Variants in PRTG observed in about 807,000 individuals in gnomAD.
PRTG encodes the protein immunoglobulin superfamily, DCC subclass, member 5.
PRTG carries 67 observed loss-of-function variants against 122.5 expected under a neutral mutation model. That is an observed-to-expected ratio of 0.55 (90% confidence interval 0.45 to 0.67). The LOEUF (loss-of-function observed/expected upper bound fraction) is 0.67. Among genes scored for constraint, PRTG ranks in the 30% least tolerant of loss-of-function variants. The probability of loss-of-function intolerance (pLI) is 0.00; values close to 1 mark genes in which losing one functional copy is unlikely to be tolerated. For synonymous variants in PRTG, 554 were observed against 501.1 expected, an observed-to-expected ratio of 1.11 and a Z score of -1.41; for missense variants, 1,435 against 1,415.4, an observed-to-expected ratio of 1.01 and a Z score of -0.22.
chr15:55,673,770 T>A (rs2059487025), intron 9 of PRTG, 94 bp from the exon 10 acceptor site: 1 of 955,798 alleles, frequency 1.0e-6, no homozygotes, highest in Non-Finnish European at 1.6e-6. Flanking sequence ...TAGCAACATA[T>A]AATAAAGAAG....
At chr15:55,681,509 C>T (rs2141814487) in intron 4 of PRTG, 1 of 152,112 alleles carries the variant, frequency 6.6e-6, no homozygotes, top group South Asian at 2.1e-4. Flanking sequence ...TTCCCTTCTA[C>T]CTATATTAAT....
At chr15:55,706,002 C>T (rs1398709627) in intron 2 of PRTG, among the ~76,000 whole-genome samples, 2 of 143,590 alleles carry the variant, frequency 1.4e-5, no homozygotes, top group East Asian at 4.2e-4. Context: ...CGCATGCCAC[C>T]ATGCCCAGCT....
Position 55,743,116 on chromosome 15 carries a change from G to T in PRTG, c.-185C>A. The T allele has an allele frequency of 7.8e-7, 1 of 1,277,578 alleles. No homozygotes were observed. The highest frequency in any genetic ancestry group is 9.8e-7 in the Non-Finnish European group (1 of 1,016,838). 79.1% of individuals were successfully genotyped at this position (1,277,578 alleles called of 1,614,324 possible). A position where few individuals can be genotyped will look rare whatever the true frequency, so the allele number is the denominator to read the frequency against. On this transcript the variant is annotated 5_prime_UTR_variant, in exon 1 of 20. Transcript: ENST00000389286. ...CTGGTGCTCGGACGGCCGCTCGCGAGAAGCAAGGGGCCTGAGAGTCCGGCT... is the reference window on the plus strand; with the variant it reads ...CTGGTGCTCGGACGGCCGCTCGCGATAAGCAAGGGGCCTGAGAGTCCGGCT...
chr15:55,652,096 C>G (rs1191649364), intron 11 of PRTG, among the ~76,000 whole-genome samples: 1 of 152,078 alleles, frequency 6.6e-6, no homozygotes, highest in Non-Finnish European at 1.5e-5. Context: ...TGACTATGTA[C>G]AACTTTAAAT....
Position 55,641,097 on chromosome 15 carries a change from C to T in PRTG, c.2137+16G>A. On this transcript the variant is annotated intron_variant, in intron 12 of 19. Transcript: ENST00000389286. Reference sequence around the variant, plus strand: ...TGTGAGCCATAGTAAAACAAACTGCCATGGCTTTCACTTACACACGCATCC... The same window carrying T: ...TGTGAGCCATAGTAAAACAAACTGCTATGGCTTTCACTTACACACGCATCC... 1 of 1,573,814 alleles carries T rather than the reference C, an allele frequency of 6.4e-7. No individual in the cohort carries two copies. The highest frequency in any genetic ancestry group is 8.7e-7 in the Non-Finnish European group (1 of 1,143,440).
rs1274102640 is a variant in PRTG at position 55,743,124 on chromosome 15, G to A, written c.-193C>T. 1.6e-6 allele frequency: 2 copies of A among 1,262,654 alleles called. No homozygotes were observed. Among genetic ancestry groups the A allele is most frequent in the African/African-American group, 1.6e-5 (1 of 63,810 alleles). 78.2% of individuals were successfully genotyped at this position (1,262,654 alleles called of 1,614,324 possible). On this transcript the variant is annotated 5_prime_UTR_variant, in exon 1 of 20. Transcript: ENST00000389286. ...CGGACGGCCGCTCGCGAGAAGCAAG[G>A]GGCCTGAGAGTCCGGCTGGGGGCGG...
At position 55,612,737 on chromosome 15, in the gene PRTG, T is replaced by TATATATATATATATAC. The variant is rs1567067860; in HGVS notation, c.*7274_*7275insGTATATATATATATAT. ...ATATATATATATATATATATATATA[T>TATATATATATATATAC]ATATATATATATGACTTAAATTGGA... On this transcript the variant is annotated 3_prime_UTR_variant, in exon 20 of 20. Coordinates refer to ENST00000389286, the MANE Select transcript of PRTG (RefSeq NM_173814.6). The TATATATATATATATAC allele has an allele frequency of 1.8e-4, 10 of 54,320 alleles. No individual in the cohort carries two copies. Among genetic ancestry groups the TATATATATATATATAC allele is most frequent in the African/African-American group, 4.6e-4 (10 of 21,674 alleles). The allele number at this position is 54,320 out of a possible 1,614,324, so 3.4% of individuals were successfully genotyped here. A position where few individuals can be genotyped will look rare whatever the true frequency, so the allele number is the denominator to read the frequency against.
At chr15:55,738,001 TCTATATA>T (rs2031473266) in intron 2 of PRTG, among the ~76,000 whole-genome samples, 1 of 68,964 alleles carries the variant, frequency 1.5e-5, no homozygotes, top group African/African-American at 4.3e-5. Flanking sequence ...TCTCTCTCTC[TCTATATA>T]TATATATATA....
In PRTG at chr15:55,662,261, G is replaced by A. The variant is rs1036009086; in HGVS notation, c.2041+10184C>T. On this transcript the variant is annotated intron_variant, in intron 11 of 19. Coordinates refer to ENST00000389286, the MANE Select transcript of PRTG (RefSeq NM_173814.6). ...TCTGATACACTGCTATACACAGCAC[G>A]CAAGTAAAAGGTATTTCTTCTCTCC... Among the ~76,000 whole-genome samples the A allele has an allele frequency of 3.3e-5, 5 of 152,210 alleles. No homozygotes were observed. The South Asian group carries it at 6.2e-4, about 19-fold the overall frequency.
At chr15:55,694,929 G>A (rs2059623958) in intron 2 of PRTG, among the ~76,000 whole-genome samples, 1 of 152,068 alleles carries the variant, frequency 6.6e-6, no homozygotes, top group Admixed American at 6.6e-5. Context: ...TAAACCAAGA[G>A]CCCCACAAGA....
intron 18 of PRTG, among the ~76,000 whole-genome samples, chr15:55,622,569 T>C (rs921148715): frequency 6.6e-5 from 10 of 151,828 alleles, no homozygotes; most frequent in African/African-American, 2.4e-4. Flanking sequence ...TTTTTTAAAT[T>C]TTTAGTAGAG....
intron 2 of PRTG, among the ~76,000 whole-genome samples, chr15:55,729,490 G>T (rs549079362): frequency 6.6e-6 from 1 of 151,990 alleles, no homozygotes; most frequent in African/African-American, 2.4e-5. Context: ...AGGTGTTCCA[G>T]GTGCACTGGC....
Position 55,742,673 on chromosome 15 carries a change from C to T in PRTG, c.94+165G>A, listed in dbSNP as rs1232204420. 1.0e-5 allele frequency: 8 copies of T among 774,146 alleles called. No individual in the cohort carries two copies. The East Asian group carries it at 1.3e-4, about 12-fold the overall frequency. The allele number at this position is 774,146 out of a possible 1,614,324, so 48.0% of individuals were successfully genotyped here. On this transcript the variant is annotated intron_variant, in intron 1 of 19. Transcript: ENST00000389286. ...GCAAGCAACTAGTGTCTGCAGCTGGCGGTTCCGGACAGGCCGCAGGGCGAG... is the reference window on the plus strand; with the variant it reads ...GCAAGCAACTAGTGTCTGCAGCTGGTGGTTCCGGACAGGCCGCAGGGCGAG...
intron 8 of PRTG, among the ~76,000 whole-genome samples, chr15:55,676,128 G>C (rs2059501516): frequency 6.6e-6 from 1 of 152,064 alleles, no homozygotes. Flanking sequence ...AACCAAACCA[G>C]AAGTTGTCCT....
chr15:55,688,670 C>G (rs185371234), intron 2 of PRTG, among the ~76,000 whole-genome samples: 2 of 152,276 alleles, frequency 1.3e-5, no homozygotes, highest in East Asian at 3.9e-4. Context: ...CATGCCTCTA[C>G]TAAAAATACA....
intron 2 of PRTG, among the ~76,000 whole-genome samples, chr15:55,731,366 C>CTA (rs1555437723): frequency 9.6e-6 from 1 of 103,778 alleles, no homozygotes; most frequent in Non-Finnish European, 1.9e-5. Context: ...CCTTATCATT[C>CTA]TTTTTTTTTT....
intron 3 of PRTG, among the ~76,000 whole-genome samples, chr15:55,682,783 G>C (rs1177391783): frequency 6.6e-6 from 1 of 151,934 alleles, no homozygotes; most frequent in Non-Finnish European, 1.5e-5. Context: ...GGCTGGTCTT[G>C]AATTTCTGAC....
chr15:55,724,616 A>G (rs2246271), intron 2 of PRTG, among the ~76,000 whole-genome samples: 146,872 of 152,022 alleles, frequency 0.97, 71,167 homozygotes, highest in East Asian at 1. Flanking sequence ...AAAGTTAGCC[A>G]GGTGTGGTGG....
At chr15:55,673,725 G>A in intron 9 of PRTG, 49 bp from the exon 10 acceptor site, 4 of 1,419,196 alleles carry the variant, frequency 2.8e-6, no homozygotes, top group Non-Finnish European at 3.9e-6. Context: ...GAATCGAATT[G>A]CCACTTAGCA....
Sources: gnomAD v4.1 joint callset for allele counts (sites outside exome capture counted in the v4.1 genomes callset) on GRCh38, gnomAD v4.1.1 for gene constraint, MANE v1.5 for transcripts, NCBI Gene and HGNC (gene_info 2026-07-23, HGNC 2026-07-21) for gene names.